The following LPP variants were observed in gnomAD, a reference collection of about 807,000 sequenced individuals.
The protein encoded by LPP is lipoma-preferred partner.
Under a neutral mutation model 60.4 loss-of-function variants are expected in LPP, and 38 were observed. That is an observed-to-expected ratio of 0.63 (90% CI 0.49 to 0.83). The LOEUF is 0.83. LPP is among the 40% of genes least tolerant of loss of function. LPP has a pLI of 0.00. For synonymous variants in LPP, 328 were observed against 290.8 expected (o/e 1.13, Z -1.30); for missense variants, 902 against 783.6 (o/e 1.15, Z -1.80).
At chr3:188,859,389 A>G (rs1764634582) in intron 9 of LPP, among the ~76,000 whole-genome samples, 1 of 152,156 alleles carries the variant, frequency 6.6e-6, no homozygotes, top group Non-Finnish European at 1.5e-5. Flanking sequence ...CTCTCTCACC[A>G]TTCATAAGTA....
At chr3:188,768,639 C>T (rs534470734) in intron 9 of LPP, among the ~76,000 whole-genome samples, 30 of 152,118 alleles carry the variant, frequency 2.0e-4, no homozygotes, top group East Asian at 9.7e-4. Flanking sequence ...TTACATATTT[C>T]GATTTATTAT....
intron 5 of LPP, among the ~76,000 whole-genome samples, chr3:188,520,305 G>T (rs541361354): frequency 6.6e-6 from 1 of 152,106 alleles, no homozygotes; most frequent in Non-Finnish European, 1.5e-5. Context: ...TCCCACCTTC[G>T]TGTACCAGCA....
chr3:188,524,756 G>A lies in LPP; in HGVS notation c.398G>A (p.Cys133Tyr). 1.9e-6 allele frequency: 3 copies of A among 1,614,054 alleles called. No individual in the cohort carries two copies. The highest frequency in any genetic ancestry group is 2.5e-6 in the Non-Finnish European group (3 of 1,179,984). ...SLTSILADLE[C>Y]SSPYKPRPPQ... is the part of the protein sequence containing the mutation. ...ACCAGCATCTTGGCTGACCTTGAGT[G>A]CAGCTCCCCCTATAAGCCTCGGCCT... The change falls in exon 6 of 12, where the codon TGC (cysteine) becomes TAC (tyrosine). Residue 133 changes from cysteine to tyrosine, a missense_variant. Transcript: ENST00000617246.
At chr3:188,669,524 C>T (rs925036560) in intron 7 of LPP, among the ~76,000 whole-genome samples, 24 of 151,890 alleles carry the variant, frequency 1.6e-4, no homozygotes, top group African/African-American at 5.1e-4. Flanking sequence ...TGCAGTGAGC[C>T]GAGATCGCAC....
rs1247157072 is a variant in LPP, at chr3:188,883,700, T to C, written c.*9221T>C. ...GTGAGCAGAGATTGCGCCACTGCACTCCAGCCTGGGCGACAGAACGAGACT... is the reference window on the plus strand; with the variant it reads ...GTGAGCAGAGATTGCGCCACTGCACCCCAGCCTGGGCGACAGAACGAGACT... On this transcript the variant is annotated 3_prime_UTR_variant, in exon 12 of 12. Transcript: ENST00000617246. 2.2e-5 allele frequency: 3 copies of C among 138,048 alleles called. No individual in the cohort carries two copies. The highest frequency in any genetic ancestry group is 4.1e-5 in the Non-Finnish European group (3 of 73,176). 8.6% of individuals were successfully genotyped at this position (138,048 alleles called of 1,614,324 possible). A position where few individuals can be genotyped will look rare whatever the true frequency, so the allele number is the denominator to read the frequency against.
chr3:188,205,747 T>C (rs1369295769), intron 1 of LPP, among the ~76,000 whole-genome samples: 1 of 152,198 alleles, frequency 6.6e-6, no homozygotes, highest in Admixed American at 6.5e-5. Context: ...TGGAAGGTAC[T>C]ATGAAGAGCT....
chr3:188,376,613 T>C (rs1294039841), intron 3 of LPP, among the ~76,000 whole-genome samples: 1 of 152,208 alleles, frequency 6.6e-6, no homozygotes, highest in Non-Finnish European at 1.5e-5. Flanking sequence ...GCACGTGAGA[T>C]GGGTTTCCTG....
At chr3:188,851,808 A>C (rs1762739669) in intron 9 of LPP, among the ~76,000 whole-genome samples, 1 of 152,190 alleles carries the variant, frequency 6.6e-6, no homozygotes, top group African/African-American at 2.4e-5. Context: ...TTACTCCAAA[A>C]ATTAGTGTCT....
rs77306205 is a variant in LPP at position 188,555,296 on chromosome 3, G to A, written c.429+30509G>A. ...CCTCATGATCACATAGAACCTCATA[G>A]GACCTCTTATTCTTAGTTTAAGTGA... is the stretch of plus-strand genomic sequence containing the variant. On this transcript the variant is annotated intron_variant, in intron 6 of 11. Transcript: ENST00000617246. Among the ~76,000 whole-genome samples, 722 of 152,156 alleles carry A rather than the reference G, an allele frequency of 4.7e-3. 4 individuals are homozygous for A. The highest frequency in any genetic ancestry group is 0.017 in the African/African-American group (692 of 41,508).
At chr3:188,478,383 G>T (rs969278216) in intron 4 of LPP, among the ~76,000 whole-genome samples, 4 of 152,076 alleles carry the variant, frequency 2.6e-5, no homozygotes, top group African/African-American at 9.7e-5. Flanking sequence ...GCATTTCAAT[G>T]TGTGTTTTAT....
chr3:188,218,427 C>T (rs1198928099), intron 1 of LPP, among the ~76,000 whole-genome samples: 1 of 152,196 alleles, frequency 6.6e-6, no homozygotes, highest in Non-Finnish European at 1.5e-5. Context: ...TCCTGTGTAT[C>T]CCCTGGCAAT....
intron 9 of LPP, among the ~76,000 whole-genome samples, chr3:188,813,996 G>A (rs963527554): frequency 3.3e-5 from 5 of 151,930 alleles, no homozygotes; most frequent in Non-Finnish European, 5.9e-5. Flanking sequence ...CACTTGAACC[G>A]GGGAGACAGA....
intron 6 of LPP, among the ~76,000 whole-genome samples, chr3:188,546,412 A>T (rs909926306): frequency 3.7e-5 from 5 of 136,960 alleles, no homozygotes; most frequent in African/African-American, 1.5e-4. Flanking sequence ...TAGGGAGGAA[A>T]CACATGCAGG....
intron 2 of LPP, among the ~76,000 whole-genome samples, chr3:188,257,257 C>CT (rs1449432824): frequency 6.6e-5 from 10 of 152,144 alleles, no homozygotes; most frequent in African/African-American, 2.2e-4. Context: ...CTGCTCATAG[C>CT]TTTTTTCTGA....
intron 9 of LPP, among the ~76,000 whole-genome samples, chr3:188,843,236 C>G (rs1018406164): frequency 6.6e-5 from 10 of 152,166 alleles, no homozygotes; most frequent in African/African-American, 2.4e-4. Context: ...GGCTGTGACA[C>G]CAGCCTGGAC....
chr3:188,167,128 T>C (rs1560076251), intron 1 of LPP, among the ~76,000 whole-genome samples: 3 of 152,212 alleles, frequency 2.0e-5, no homozygotes, highest in African/African-American at 7.2e-5. Context: ...TCCTCATCTC[T>C]AAAAGAGTGT....
At chr3:188,401,251 A>G (rs1782172943) in intron 3 of LPP, among the ~76,000 whole-genome samples, 1 of 152,190 alleles carries the variant, frequency 6.6e-6, no homozygotes, top group Non-Finnish European at 1.5e-5. Flanking sequence ...TCTTATCTTT[A>G]TATAAAACCT....
At chr3:188,574,213 A>G (rs985516864) in intron 6 of LPP, among the ~76,000 whole-genome samples, 7 of 152,134 alleles carry the variant, frequency 4.6e-5, no homozygotes, top group African/African-American at 1.7e-4. Context: ...CTCTTTCTGA[A>G]AAACGTATAT....
chr3:188,660,390 AGGTGTGTGT>A (rs1854309522), intron 7 of LPP, among the ~76,000 whole-genome samples: 5 of 152,228 alleles, frequency 3.3e-5, no homozygotes, highest in Non-Finnish European at 5.9e-5. Flanking sequence ...ACATGCTTTG[AGGTGTGTGT>A]AATATTTGTG....
Sources: gnomAD v4.1 joint callset for allele counts (sites outside exome capture counted in the v4.1 genomes callset) on GRCh38, gnomAD v4.1.1 for gene constraint, MANE v1.5 for transcripts, NCBI Gene and HGNC (gene_info 2026-07-23, HGNC 2026-07-21) for gene names.